PLCL1: variants seen among roughly 807,000 people sequenced by gnomAD.
PLCL1 encodes phospholipase C like 1 (inactive).
In PLCL1, 41 loss-of-function variants were observed where a neutral mutation model predicts 84.4. The ratio of observed to expected loss-of-function variants is 0.49; its 90% confidence interval spans 0.38 to 0.63. PLCL1 has a LOEUF of 0.63. Ranked by LOEUF, PLCL1 falls within the 30% of genes least tolerant of loss-of-function variation. The probability of loss-of-function intolerance (pLI) is 0.00; values close to 1 mark genes in which losing one functional copy is unlikely to be tolerated. For synonymous variants in PLCL1, 490 were observed against 488.3 expected (o/e 1.00, Z -0.05); for missense variants, 1,206 against 1,367.8 (o/e 0.88, Z 1.87).
intron 5 of PLCL1, among the ~76,000 whole-genome samples, chr2:198,119,403 T>C (rs1693819764): frequency 6.6e-6 from 1 of 152,016 alleles, no homozygotes; most frequent in African/African-American, 2.4e-5. Context: ...AGGTCCTCTG[T>C]GATGGGGGCT....
chr2:197,851,778 A>G (rs1687244133), intron 1 of PLCL1, among the ~76,000 whole-genome samples: 1 of 152,244 alleles, frequency 6.6e-6, no homozygotes. Flanking sequence ...AGCCTTGGAC[A>G]AAGTTCAAGG....
chr2:198,089,447 A>G (rs1224089101), intron 3 of PLCL1, among the ~76,000 whole-genome samples: 1 of 152,112 alleles, frequency 6.6e-6, no homozygotes, highest in Non-Finnish European at 1.5e-5. Flanking sequence ...ATTTATATAG[A>G]ATCTATATTT....
At chr2:197,869,740 G>A (rs962695870) in intron 1 of PLCL1, among the ~76,000 whole-genome samples, 2 of 152,138 alleles carry the variant, frequency 1.3e-5, no homozygotes, top group African/African-American at 2.4e-5. Flanking sequence ...TGTTATCCTA[G>A]TGTTTGGTTT....
intron 5 of PLCL1, among the ~76,000 whole-genome samples, chr2:198,128,619 A>C (rs977926729): frequency 1.3e-5 from 2 of 152,032 alleles, no homozygotes; most frequent in African/African-American, 4.8e-5. Flanking sequence ...GGTCTGCAAA[A>C]CTTCTCAAGT....
At chr2:198,055,668 G>A (rs761340755) in intron 1 of PLCL1, among the ~76,000 whole-genome samples, 9 of 151,824 alleles carry the variant, frequency 5.9e-5, no homozygotes, top group Non-Finnish European at 8.8e-5. Flanking sequence ...ATCTCACAAC[G>A]ACATAGATAA....
chr2:198,104,043 A>T, intron 5 of PLCL1, 107 bp downstream of exon 5: 2 of 525,808 alleles, frequency 3.8e-6, no homozygotes, highest in Non-Finnish European at 6.6e-6. Flanking sequence ...GGATTTTTAA[A>T]CCTTCACTTT....
At chr2:198,082,610 C>T (rs1692746456) in intron 1 of PLCL1, among the ~76,000 whole-genome samples, 1 of 152,050 alleles carries the variant, frequency 6.6e-6, no homozygotes, top group Admixed American at 6.6e-5. Context: ...TTGGGAGCAT[C>T]ATTAATTGAG....
intron 1 of PLCL1, among the ~76,000 whole-genome samples, chr2:198,027,171 A>G (rs142482304): frequency 6.6e-6 from 1 of 152,336 alleles, no homozygotes; most frequent in African/African-American, 2.4e-5. Flanking sequence ...AATACTATTT[A>G]GCCTTTAATA....
chr2:198,123,414 G>A (rs548381102), intron 5 of PLCL1, among the ~76,000 whole-genome samples: 2 of 151,990 alleles, frequency 1.3e-5, no homozygotes, highest in South Asian at 2.1e-4. Flanking sequence ...CCTTTAAAGA[G>A]GTAACTAAAT....
chr2:197,815,524 T>G (rs2106416196), intron 1 of PLCL1, among the ~76,000 whole-genome samples: 1 of 152,226 alleles, frequency 6.6e-6, no homozygotes, highest in East Asian at 1.9e-4. Flanking sequence ...AAGGAGAAAT[T>G]TTGACTTTCA....
At chr2:198,077,489 A>G (rs1017589599) in intron 1 of PLCL1, among the ~76,000 whole-genome samples, 1 of 152,058 alleles carries the variant, frequency 6.6e-6, no homozygotes, top group African/African-American at 2.4e-5. Flanking sequence ...GTGGAAGCTC[A>G]TTCTCCTGGT....
intron 1 of PLCL1, among the ~76,000 whole-genome samples, chr2:197,995,607 C>T (rs1401433289): frequency 6.6e-6 from 1 of 152,034 alleles, no homozygotes; most frequent in East Asian, 1.9e-4. Flanking sequence ...GCGGAGAGCA[C>T]AGCATGGGAA....
At chr2:197,899,722 G>A (rs1296593591) in intron 1 of PLCL1, among the ~76,000 whole-genome samples, 1 of 144,056 alleles carries the variant, frequency 6.9e-6, no homozygotes, top group African/African-American at 2.6e-5. Flanking sequence ...TGCAAGCTCC[G>A]CCTCCCAGGT....
chr2:197,988,027 G>GCACT (rs1690254456), intron 1 of PLCL1, among the ~76,000 whole-genome samples: 1 of 152,160 alleles, frequency 6.6e-6, no homozygotes. Context: ...GAGAAACTGA[G>GCACT]GGAAAGAGCA....
At chr2:197,867,606 T>C (rs1192090443) in intron 1 of PLCL1, among the ~76,000 whole-genome samples, 1 of 152,184 alleles carries the variant, frequency 6.6e-6, no homozygotes, top group African/African-American at 2.4e-5. Flanking sequence ...ATGAGAACTT[T>C]CATATGCTAA....
rs1438667759 is a variant in PLCL1, at chr2:197,980,157, G to C, written c.241-103601G>C. Among the ~76,000 whole-genome samples the C allele has an allele frequency of 3.9e-5, 6 of 152,150 alleles. No individual in the cohort carries two copies. In the East Asian group the frequency reaches 1.2e-3, roughly 29 times the overall value. ...AGAACAATCCCCATATTCCTGCCTT[G>C]AATGACACAGGTATGTGGCTGTCCA... On this transcript the variant is annotated intron_variant, in intron 1 of 5. Coordinates refer to ENST00000428675, the MANE Select transcript of PLCL1 (RefSeq NM_006226.4).
intron 1 of PLCL1, among the ~76,000 whole-genome samples, chr2:197,931,675 A>ACCACCCACCCACCCACCCAC (rs1233391078): frequency 1.1e-5 from 1 of 90,680 alleles, no homozygotes; most frequent in Non-Finnish European, 2.3e-5. Context: ...CAACCAACCA[A>ACCACCCACCCACCCACCCAC]CCACCCACCC....
At chr2:197,846,353 T>G (rs1208789070) in intron 1 of PLCL1, among the ~76,000 whole-genome samples, 1 of 152,130 alleles carries the variant, frequency 6.6e-6, no homozygotes, top group Non-Finnish European at 1.5e-5. Flanking sequence ...AGGCAAATTA[T>G]GTTTAGGAGG....
intron 1 of PLCL1, among the ~76,000 whole-genome samples, chr2:197,903,168 CT>C (rs1688300636): frequency 1.3e-5 from 2 of 152,132 alleles, no homozygotes; most frequent in African/African-American, 4.8e-5. Flanking sequence ...GGGAACCTTT[CT>C]TAAGGATCAT....
Sources: allele counts gnomAD v4.1 joint callset (sites outside exome capture counted in the v4.1 genomes callset), GRCh38; gene constraint gnomAD v4.1.1; transcripts MANE v1.5; gene names NCBI Gene and HGNC (gene_info 2026-07-23, HGNC 2026-07-21).